PPP1R21: variants seen among roughly 807,000 people sequenced by gnomAD.
PPP1R21 encodes KLRAQ motif containing 1.
A neutral mutation model predicts 112.8 loss-of-function variants in PPP1R21; 85 were observed. The ratio of observed to expected loss-of-function variants is 0.75; its 90% confidence interval spans 0.63 to 0.90. PPP1R21 has a LOEUF of 0.90. PPP1R21 is among the 40% of genes least tolerant of loss of function. PPP1R21 has a pLI of 0.00. For missense variants in PPP1R21, 1,199 were observed against 901.5 expected, an observed-to-expected ratio of 1.33 and a Z score of -4.23; for synonymous variants, 381 against 322.3, an observed-to-expected ratio of 1.18 and a Z score of -1.95.
intron 17 of PPP1R21, among the ~76,000 whole-genome samples, chr2:48,501,218 C>G (rs1439838271): frequency 6.6e-6 from 1 of 152,186 alleles, no homozygotes; most frequent in Admixed American, 6.5e-5. Context: ...TTAAGAACTG[C>G]CCCCACTCCC....
At position 48,441,019 on chromosome 2, in the gene PPP1R21, C is replaced by A. The variant is rs373198445; in HGVS notation, c.57+9C>A. The stretch of plus-strand genomic sequence containing the variant: ...CTCAGGAGTACTCGAAGGTACCCAT[C>A]GTGGTCTGGGAGTAGGGGGTCCCCC... On this transcript the variant is annotated intron_variant, in intron 1 of 21. Coordinates refer to ENST00000294952, the MANE Select transcript of PPP1R21 (RefSeq NM_001135629.3). 3 of 1,599,388 alleles carry A rather than the reference C, an allele frequency of 1.9e-6. No homozygotes were observed. Among genetic ancestry groups the A allele is most frequent in the Non-Finnish European group, 2.6e-6 (3 of 1,167,880 alleles).
intron 21 of PPP1R21, among the ~76,000 whole-genome samples, chr2:48,513,828 G>A (rs1670745989): frequency 1.3e-5 from 2 of 152,060 alleles, no homozygotes; most frequent in African/African-American, 4.8e-5. Context: ...TAATTAAAAT[G>A]TATTCCCAAG....
intron 6 of PPP1R21, among the ~76,000 whole-genome samples, chr2:48,460,504 C>G (rs1667928321): frequency 1.3e-5 from 2 of 152,086 alleles, no homozygotes; most frequent in African/African-American, 4.8e-5. Context: ...TTTAATGGTA[C>G]ATTTTGAATA....
intron 19 of PPP1R21, among the ~76,000 whole-genome samples, chr2:48,509,430 G>T (rs568010058): frequency 6.6e-6 from 1 of 151,942 alleles, no homozygotes; most frequent in African/African-American, 2.4e-5. Flanking sequence ...TAAAGAACGG[G>T]TGCTGTGGCT....
At chr2:48,487,450 A>G (rs1017264599) in intron 14 of PPP1R21, among the ~76,000 whole-genome samples, 3 of 152,230 alleles carry the variant, frequency 2.0e-5, no homozygotes, top group African/African-American at 7.2e-5. Flanking sequence ...TAAACTAACT[A>G]AAGTGCAGTT....
chr2:48,509,742 T>G (rs1215003793), intron 19 of PPP1R21, among the ~76,000 whole-genome samples: 1 of 152,118 alleles, frequency 6.6e-6, no homozygotes, highest in Non-Finnish European at 1.5e-5. Flanking sequence ...ATGTATTATA[T>G]ATAACCACTG....
At chr2:48,487,589 C>T (rs1202234927) in intron 14 of PPP1R21, among the ~76,000 whole-genome samples, 1 of 151,806 alleles carries the variant, frequency 6.6e-6, no homozygotes, top group Non-Finnish European at 1.5e-5. Flanking sequence ...ATGTCAAGAC[C>T]TCATCCCTAC....
rs1195781721 is a variant in PPP1R21 at position 48,460,114 on chromosome 2, A to G, written c.560A>G (p.Glu187Gly). 3 of 1,614,008 alleles carry G rather than the reference A, an allele frequency of 1.9e-6. No homozygotes were observed. In the African/African-American group the frequency reaches 4.0e-5, roughly 22 times the overall value. Reference protein sequence around the residue: ...AKLEVKSQTLEKEAKECRLRT... With the variant: ...AKLEVKSQTLGKEAKECRLRT... ...ATTCAGGTGAAATCTCAGACTCTAG[A>G]AAAGGAAGCCAAGGAATGTCGACTT... The change falls in exon 6 of 22, where the codon GAA (glutamate) becomes GGA (glycine). Residue 187 changes from glutamate to glycine, a missense_variant. Coordinates refer to ENST00000294952, the MANE Select transcript of PPP1R21 (RefSeq NM_001135629.3).
chr2:48,450,918 G>T (rs895157022), intron 1 of PPP1R21, 90 bp from the exon 2 acceptor site: 2 of 1,022,906 alleles, frequency 2.0e-6, no homozygotes, highest in African/African-American at 1.6e-5. Flanking sequence ...TAGTTACTCA[G>T]TGTAATGATG....
At chr2:48,482,766 A>C (rs569505627) in intron 13 of PPP1R21, among the ~76,000 whole-genome samples, 4 of 144,946 alleles carry the variant, frequency 2.8e-5, no homozygotes, top group Non-Finnish European at 6.3e-5. Context: ...ACATCATCAG[A>C]TGACTTTTTT....
intron 17 of PPP1R21, among the ~76,000 whole-genome samples, chr2:48,500,024 C>T (rs1670037710): frequency 6.6e-6 from 1 of 152,136 alleles, no homozygotes; most frequent in Non-Finnish European, 1.5e-5. Flanking sequence ...GTGTGCTTTT[C>T]TGCTGACTTT....
chr2:48,462,755 C>T (rs1446983090), intron 7 of PPP1R21, among the ~76,000 whole-genome samples: 1 of 152,126 alleles, frequency 6.6e-6, no homozygotes, highest in Non-Finnish European at 1.5e-5. Flanking sequence ...AGCCAGGGAA[C>T]ATCATGTTGC....
At position 48,454,263 on chromosome 2, in the gene PPP1R21, AAAAT is replaced by A. The variant is rs369243414; in HGVS notation, c.127-307_127-304del. 1.7e-4 allele frequency among the ~76,000 whole-genome samples: 25 copies of A among 151,402 alleles called. 1 individual carries two copies. The highest frequency in any genetic ancestry group is 6.2e-4 in the South Asian group (3 of 4,818). On this transcript the variant is annotated intron_variant, in intron 2 of 21. Coordinates refer to ENST00000294952, the MANE Select transcript of PPP1R21 (RefSeq NM_001135629.3). ...GCAATAGAGCGAGACTCTGTCTCAA[AAAAT>A]AAATAAATAAATAAATAAATAAATC...
At chr2:48,459,670 C>T in intron 4 of PPP1R21, 84 bp from the exon 5 acceptor site, 1 of 1,439,530 alleles carries the variant, frequency 6.9e-7, no homozygotes, top group Non-Finnish European at 9.4e-7. Flanking sequence ...GTGGAAGTTG[C>T]TCAGTGAATA....
chr2:48,484,786 A>T (rs1669202885), intron 13 of PPP1R21, among the ~76,000 whole-genome samples: 1 of 152,212 alleles, frequency 6.6e-6, no homozygotes, highest in Admixed American at 6.5e-5. Context: ...AAAGTGCTAG[A>T]TTACAGGCAT....
intron 17 of PPP1R21, among the ~76,000 whole-genome samples, chr2:48,502,232 A>G (rs892074178): frequency 6.6e-6 from 1 of 152,170 alleles, no homozygotes; most frequent in African/African-American, 2.4e-5. Context: ...AGAAGTTGCT[A>G]TTTAAATCAA....
chr2:48,496,472 T>G (rs1164922180), intron 16 of PPP1R21, among the ~76,000 whole-genome samples: 3 of 6,298 alleles, frequency 4.8e-4, no homozygotes, highest in Non-Finnish European at 1.7e-3. Context: ...GGTTTTGGGT[T>G]TTTTTTTTTT....
chr2:48,514,795 A>C lies in PPP1R21; in HGVS notation c.*51A>C, dbSNP rs774146687. The C allele has an allele frequency of 1.9e-6, 3 of 1,601,578 alleles. No homozygotes were observed. In the South Asian group the frequency reaches 3.3e-5, roughly 18 times the overall value. ...TTCTTTCCAGACCTGCTCCTGCTGCACAGAGCCGCAGGGCTGAGACCACGT... is the reference window on the plus strand; with the variant it reads ...TTCTTTCCAGACCTGCTCCTGCTGCCCAGAGCCGCAGGGCTGAGACCACGT... On this transcript the variant is annotated 3_prime_UTR_variant, in exon 22 of 22. Transcript: ENST00000294952.
chr2:48,486,453 C>G (rs555944565), intron 13 of PPP1R21, among the ~76,000 whole-genome samples, 178 bp from the exon 14 acceptor site: 96 of 152,308 alleles, frequency 6.3e-4, no homozygotes, highest in Non-Finnish European at 1.1e-3. Flanking sequence ...TCTCTCTGTT[C>G]TTTCCATGTA....
Sources: allele counts gnomAD v4.1 joint callset (sites outside exome capture counted in the v4.1 genomes callset), GRCh38; gene constraint gnomAD v4.1.1; transcripts MANE v1.5; gene names NCBI Gene and HGNC (gene_info 2026-07-23, HGNC 2026-07-21).